The following GALNT18 variants were observed in gnomAD, a reference collection of about 807,000 sequenced individuals.
GALNT18 encodes GalNAc-transferase 18.
A neutral mutation model predicts 69.5 loss-of-function variants in GALNT18; 44 were observed. That is an observed-to-expected ratio of 0.63 (90% CI 0.50 to 0.81). The LOEUF is 0.81. GALNT18 is among the 40% of genes least tolerant of loss of function. GALNT18 has a pLI of 0.00. For missense variants in GALNT18, 715 were observed against 810.0 expected, an observed-to-expected ratio of 0.88 and a Z score of 1.42; for synonymous variants, 364 against 318.2, an observed-to-expected ratio of 1.14 and a Z score of -1.53.
intron 1 of GALNT18, among the ~76,000 whole-genome samples, chr11:11,578,686 G>A (rs751026094): frequency 1.1e-4 from 16 of 152,346 alleles, no homozygotes; most frequent in African/African-American, 2.6e-4. Flanking sequence ...AAGGTTGTGC[G>A]TCGCAGCAGC....
chr11:11,359,276 C>G (rs1258582053), intron 6 of GALNT18, among the ~76,000 whole-genome samples: 2 of 141,144 alleles, frequency 1.4e-5, no homozygotes, highest in Non-Finnish European at 3.2e-5. Context: ...CATACCCAGT[C>G]TATCATGTGC....
rs1026707255 is a variant in GALNT18 at position 11,587,988 on chromosome 11, T to C, written c.235+33371A>G. On this transcript the variant is annotated intron_variant, in intron 1 of 10. Transcript: ENST00000227756. The surrounding 1 kb of genome is among the most constrained non-coding windows in gnomAD (Gnocchi z 4.4). ...CATGCTGTTTCCAGCTTCCACACTTTTATACACACAAGTCCTTCTGCTTGA... is the reference window on the plus strand; with the variant it reads ...CATGCTGTTTCCAGCTTCCACACTTCTATACACACAAGTCCTTCTGCTTGA... Among the ~76,000 whole-genome samples, 3 of 152,130 alleles carry C rather than the reference T, an allele frequency of 2.0e-5. No homozygotes were observed. Among genetic ancestry groups the C allele is most frequent in the African/African-American group, 7.2e-5 (3 of 41,434 alleles).
At chr11:11,285,677 A>G (rs1470790224) in intron 10 of GALNT18, among the ~76,000 whole-genome samples, 1 of 152,172 alleles carries the variant, frequency 6.6e-6, no homozygotes, top group Non-Finnish European at 1.5e-5. Flanking sequence ...ATCATTAAAT[A>G]CTCGATTATT....
chr11:11,491,481 C>T (rs962306899), intron 1 of GALNT18, among the ~76,000 whole-genome samples: 2 of 152,176 alleles, frequency 1.3e-5, no homozygotes, highest in East Asian at 1.9e-4. Flanking sequence ...TTTAAAAAGC[C>T]GATTGATTTG....
chr11:11,467,604 C>T (rs1856180406), intron 1 of GALNT18, among the ~76,000 whole-genome samples: 1 of 152,188 alleles, frequency 6.6e-6, no homozygotes, highest in South Asian at 2.1e-4. Flanking sequence ...ATGCATTGTG[C>T]ACATTCAGGG....
intron 9 of GALNT18, among the ~76,000 whole-genome samples, chr11:11,302,098 A>AATG (rs1293424381): frequency 1.3e-5 from 2 of 152,218 alleles, no homozygotes; most frequent in African/African-American, 4.8e-5. Context: ...CCATTTGAAA[A>AATG]ATGATAGTGC....
At chr11:11,585,923 C>T (rs1343150662) in intron 1 of GALNT18, among the ~76,000 whole-genome samples, 1 of 151,324 alleles carries the variant, frequency 6.6e-6, no homozygotes, top group African/African-American at 2.4e-5. Flanking sequence ...GAGGTGGGGC[C>T]TTCGGGAGGT....
In GALNT18 at chr11:11,587,806, C is replaced by T. The variant is rs1477339198; in HGVS notation, c.235+33553G>A. Among the ~76,000 whole-genome samples the T allele has an allele frequency of 6.6e-6, 1 of 152,168 alleles. No homozygotes were observed. Among genetic ancestry groups the T allele is most frequent in the East Asian group, 1.9e-4 (1 of 5,190 alleles). On this transcript the variant is annotated intron_variant, in intron 1 of 10. Transcript: ENST00000227756. This position sits in a 1 kb window ranked among gnomAD's most constrained non-coding sequence, Gnocchi z 4.4. The stretch of plus-strand genomic sequence containing the variant: ...TAAAGCCCACCCCATCTCTAGCCCC[C>T]ACCCTTTCATTTCATGAACCTCTTC...
In GALNT18 at chr11:11,469,412, G is replaced by C. The variant is rs1036997377; in HGVS notation, c.236-20476C>G. Among the ~76,000 whole-genome samples the C allele has an allele frequency of 8.5e-5, 13 of 152,232 alleles. No homozygotes were observed. Among genetic ancestry groups the C allele is most frequent in the African/African-American group, 3.1e-4 (13 of 41,530 alleles). The stretch of plus-strand genomic sequence containing the variant: ...GTTGTTATGGCTATGTCTTTTACAG[G>C]GTCCAGTACAGATCTCCATGGCAGA... On this transcript the variant is annotated intron_variant, in intron 1 of 10. Transcript: ENST00000227756. The surrounding 1 kb of genome is among the most constrained non-coding windows in gnomAD (Gnocchi z 4.2).
chr11:11,589,813 C>T (rs922898162), intron 1 of GALNT18, among the ~76,000 whole-genome samples: 1 of 152,114 alleles, frequency 6.6e-6, no homozygotes, highest in Non-Finnish European at 1.5e-5. Context: ...ATTTGTAGCC[C>T]AGATAGTCCA....
At position 11,341,049 on chromosome 11, in the gene GALNT18, C is replaced by T; in HGVS notation, c.1093-45G>A. The T allele has an allele frequency of 6.5e-7, 1 of 1,528,956 alleles. No individual in the cohort carries two copies. Among genetic ancestry groups the T allele is most frequent in the Non-Finnish European group, 8.8e-7 (1 of 1,132,268 alleles). 94.7% of individuals were successfully genotyped at this position (1,528,956 alleles called of 1,614,324 possible). ...ACTTGTCAGAGCCTGCCTGGCTCTGCCTTTCTACACCAGGCCTCAGGCAGC... is the reference window on the plus strand; with the variant it reads ...ACTTGTCAGAGCCTGCCTGGCTCTGTCTTTCTACACCAGGCCTCAGGCAGC... On this transcript the variant is annotated intron_variant, in intron 6 of 10. Transcript: ENST00000227756. The surrounding 1 kb of genome is among the most constrained non-coding windows in gnomAD (Gnocchi z 6.3).
At chr11:11,433,175 C>T (rs559751612) in intron 2 of GALNT18, among the ~76,000 whole-genome samples, 1 of 152,382 alleles carries the variant, frequency 6.6e-6, no homozygotes, top group East Asian at 1.9e-4. Context: ...TGGTAACCAA[C>T]ACCTAGGTGA....
intron 3 of GALNT18, among the ~76,000 whole-genome samples, chr11:11,424,096 C>T (rs1411995839): frequency 6.6e-6 from 1 of 152,208 alleles, no homozygotes; most frequent in Non-Finnish European, 1.5e-5. Flanking sequence ...GCCTGGGAAA[C>T]CCTTCCTGGC....
At position 11,573,726 on chromosome 11, in the gene GALNT18, A is replaced by G. The variant is rs991463864; in HGVS notation, c.235+47633T>C. 4 of 152,172 alleles carry G rather than the reference A, an allele frequency of 2.6e-5. No homozygotes were observed. The highest frequency in any genetic ancestry group is 7.2e-5 in the African/African-American group (3 of 41,444). 9.4% of individuals were successfully genotyped at this position (152,172 alleles called of 1,614,324 possible). The stretch of plus-strand genomic sequence containing the variant: ...TTCATGAGATGGAAGGGGATATCCT[A>G]TCTCCTATATTGTATCCTCATCATG... On this transcript the variant is annotated intron_variant, in intron 1 of 10. Coordinates refer to ENST00000227756, the MANE Select transcript of GALNT18 (RefSeq NM_198516.3). The surrounding 1 kb of genome is among the most constrained non-coding windows in gnomAD (Gnocchi z 4.6).
intron 9 of GALNT18, among the ~76,000 whole-genome samples, chr11:11,307,448 G>A (rs1849598183): frequency 1.3e-5 from 2 of 152,150 alleles, no homozygotes; most frequent in Admixed American, 1.3e-4. Context: ...ATGAGGGCAT[G>A]TCCATTTTTA....
chr11:11,485,228 C>T (rs930956056), intron 1 of GALNT18, among the ~76,000 whole-genome samples: 1 of 152,208 alleles, frequency 6.6e-6, no homozygotes, highest in African/African-American at 2.4e-5. Context: ...CATTCCGACC[C>T]CATCTACCAT....
At chr11:11,369,461 T>G (rs1293941660) in intron 6 of GALNT18, among the ~76,000 whole-genome samples, 1 of 152,158 alleles carries the variant, frequency 6.6e-6, no homozygotes, top group Non-Finnish European at 1.5e-5. Flanking sequence ...CTCCTCTTCT[T>G]ATAAGGACAT....
At position 11,448,836 on chromosome 11, in the gene GALNT18, C is replaced by T. The variant is rs781325597; in HGVS notation, c.336G>A (p.Val112=). ...CGTAGTACTGGAATTGCTTCAGGGC[C>T]ACGCGCCGGCCTTCGGGGCTGAGCT... ...GQELSPEGRR[V]ALKQFQYYGY... is the part of the protein sequence containing the mutation. Residue 112 remains valine, a synonymous_variant, in exon 2 of 11, where the codon GTG becomes GTA. Coordinates refer to ENST00000227756, the MANE Select transcript of GALNT18 (RefSeq NM_198516.3). 6.2e-7 allele frequency: 1 copy of T among 1,612,598 alleles called. No homozygotes were observed. Among genetic ancestry groups the T allele is most frequent in the African/African-American group, 1.3e-5 (1 of 74,952 alleles).
chr11:11,500,094 C>T lies in GALNT18; in HGVS notation c.236-51158G>A, dbSNP rs1165540513. Reference sequence around the variant, plus strand: ...GCATTGTTGAAACATGGCATCTTCCCACATTTAATATTCTCATCCCATTTC... The same window carrying T: ...GCATTGTTGAAACATGGCATCTTCCTACATTTAATATTCTCATCCCATTTC... On this transcript the variant is annotated intron_variant, in intron 1 of 10. Coordinates refer to ENST00000227756, the MANE Select transcript of GALNT18 (RefSeq NM_198516.3). The surrounding 1 kb of genome is among the most constrained non-coding windows in gnomAD (Gnocchi z 5.0). 6.6e-6 allele frequency among the ~76,000 whole-genome samples: 1 copy of T among 152,150 alleles called. No individual in the cohort carries two copies. Among genetic ancestry groups the T allele is most frequent in the Non-Finnish European group, 1.5e-5 (1 of 68,030 alleles).
Sources: allele counts gnomAD v4.1 joint callset (sites outside exome capture counted in the v4.1 genomes callset), GRCh38; gene constraint gnomAD v4.1.1; non-coding constraint Gnocchi (gnomAD v3.1); transcripts MANE v1.5; gene names NCBI Gene and HGNC (gene_info 2026-07-23, HGNC 2026-07-21).